SPAG8: variants seen among roughly 807,000 people sequenced by gnomAD.
SPAG8 encodes sperm-associated antigen 8.
A neutral mutation model predicts 45.3 loss-of-function variants in SPAG8; 36 were observed. That is an observed-to-expected ratio of 0.80 (90% CI 0.61 to 1.05). The LOEUF (loss-of-function observed/expected upper bound fraction) is 1.05. Among genes scored for constraint, SPAG8 ranks in the 50% least tolerant of loss-of-function variants. The pLI is 0.00. For synonymous variants in SPAG8, 227 were observed against 232.6 expected, an observed-to-expected ratio of 0.98 and a Z score of 0.22; for missense variants, 573 against 609.2, an observed-to-expected ratio of 0.94 and a Z score of 0.63.
At position 35,811,445 on chromosome 9, in the gene SPAG8, G is replaced by A; in HGVS notation, c.601C>T (p.Pro201Ser). ...AGCTCAGAGTCAGGGCCAGTGTCTG[G>A]ACCAGGCCCAGAGGCAGGACCAGGA... Reference protein sequence around the residue: ...SHPGPASGPGPDTGPDSELSP... With the variant: ...SHPGPASGPGSDTGPDSELSP... Residue 201 changes from proline to serine, a missense_variant, in exon 2 of 7, where the codon CCA becomes TCA. Pro to Ser is a moderately conservative substitution (Grantham distance 74, BLOSUM62 -1). Coordinates refer to ENST00000396638, the MANE Select transcript of SPAG8 (RefSeq NM_001039592.2). 1.9e-6 allele frequency: 3 copies of A among 1,613,920 alleles called. No homozygotes were observed. Among genetic ancestry groups the A allele is most frequent in the Non-Finnish European group, 2.5e-6 (3 of 1,179,880 alleles).
chr9:35,809,365 C>G (rs1676673865), downstream of SPAG8: 1 of 1,614,054 alleles, frequency 6.2e-7, no homozygotes, highest in Non-Finnish European at 8.5e-7. The surrounding 1 kb of genome is among the most constrained non-coding windows in gnomAD (Gnocchi z 4.1). Flanking sequence ...ATCATGTCCA[C>G]TCTCCCACTT....
intron 5 of SPAG8, 44 bp downstream of exon 5, chr9:35,810,395 G>A: frequency 6.3e-7 from 1 of 1,591,344 alleles, no homozygotes; most frequent in South Asian, 1.1e-5. Context: ...GCCTGTCAGA[G>A]CCCAGCTGGT....
downstream of SPAG8, chr9:35,809,651 C>T: frequency 8.9e-7 from 1 of 1,117,648 alleles, no homozygotes; most frequent in Non-Finnish European, 1.4e-6. This position sits in a 1 kb window ranked among gnomAD's most constrained non-coding sequence, Gnocchi z 4.1. Flanking sequence ...CCCCTTCCTC[C>T]CTACTTTCTG....
chr9:35,808,109 C>T (rs1481415070), downstream of SPAG8: 2 of 1,224,742 alleles, frequency 1.6e-6, no homozygotes, highest in African/African-American at 1.5e-5. This position sits in a 1 kb window ranked among gnomAD's most constrained non-coding sequence, Gnocchi z 4.0. Context: ...AATCAAATGC[C>T]TGCTTTCCTC....
Position 35,811,512 on chromosome 9 carries a change from GCCAGGA to G in SPAG8, c.528_533del (p.Pro177_Gly178del). 7.6e-7 allele frequency: 1 copy of G among 1,315,144 alleles called. No homozygotes were observed. The allele number at this position is 1,315,144 out of a possible 1,614,324, so 81.5% of individuals were successfully genotyped here. ...GACCAGGACCAGAGCCAGGACCAGAGCCAGGACCAGGACCAGAGCCAGAGCCAGGGA... is the reference window on the plus strand; with the variant it reads ...GACCAGGACCAGAGCCAGGACCAGAGCCAGGACCAGAGCCAGAGCCAGGGA... On this transcript the variant is annotated inframe_deletion, in exon 2 of 7. Coordinates refer to ENST00000396638, the MANE Select transcript of SPAG8 (RefSeq NM_001039592.2).
chr9:35,809,594 C>A (rs977861184), downstream of SPAG8: 1 of 1,320,090 alleles, frequency 7.6e-7, no homozygotes. The surrounding 1 kb of genome is among the most constrained non-coding windows in gnomAD (Gnocchi z 4.1). Context: ...AGTTGTAGCC[C>A]TCTGCAGCTC....
At chr9:35,809,375 T>A (rs1563994891), downstream of SPAG8, 1 of 1,614,106 alleles carries the variant, frequency 6.2e-7, no homozygotes, top group Admixed American at 1.7e-5. This position sits in a 1 kb window ranked among gnomAD's most constrained non-coding sequence, Gnocchi z 4.1. Flanking sequence ...CTCTCCCACT[T>A]CCAGGGAAAA....
downstream of SPAG8, among the ~76,000 whole-genome samples, chr9:35,807,799 T>A (rs1304983965): frequency 6.6e-6 from 1 of 152,208 alleles, no homozygotes; most frequent in Non-Finnish European, 1.5e-5. Flanking sequence ...AGTTATTGAG[T>A]TGGATTTATT....
In SPAG8 at chr9:35,812,072, C is replaced by T. The variant is rs1828840153; in HGVS notation, c.44+32G>A. The T allele has an allele frequency of 3.1e-6, 5 of 1,612,404 alleles. No homozygotes were observed. In the East Asian group the frequency reaches 8.9e-5, roughly 29 times the overall value. On this transcript the variant is annotated intron_variant, in intron 1 of 6. Transcript: ENST00000396638. ...GAAGTCAGCTGACCTTCCTCGTCCCCTTATGCCTGCAGCCAGAGCTGCGGC... is the reference window on the plus strand; with the variant it reads ...GAAGTCAGCTGACCTTCCTCGTCCCTTTATGCCTGCAGCCAGAGCTGCGGC...
Position 35,810,064 on chromosome 9 carries a change from G to C in SPAG8, c.1332C>G (p.Pro444=), listed in dbSNP as rs186598547. The C allele has an allele frequency of 2.0e-5, 32 of 1,613,650 alleles. No homozygotes were observed. The African/African-American group carries it at 2.9e-4, about 15-fold the overall frequency. ...AGGGCAAAAGTTTCCCCAGAGACAA[G>C]GGTACTGGTGTTGAGAAGCTGCAGT... The part of the protein sequence containing the change: ...RKNCSFSTPV[P]LSLGKLLPYE... Residue 444 remains proline, a synonymous_variant, in exon 7 of 7, where the codon CCC becomes CCG. Coordinates refer to ENST00000396638, the MANE Select transcript of SPAG8 (RefSeq NM_001039592.2).
Position 35,812,140 on chromosome 9 carries a change from G to T in SPAG8, c.8C>A (p.Thr3Asn). METNESTEGSRSR... is the reference protein window; with the variant it reads MENNESTEGSRSR... Reference sequence around the variant, plus strand: ...CCGCGATCCCTCCGTAGACTCGTTGGTCTCCATCTTCAGACTCCAGCTACT... The same window carrying T: ...CCGCGATCCCTCCGTAGACTCGTTGTTCTCCATCTTCAGACTCCAGCTACT... Residue 3 changes from threonine to asparagine, a missense_variant, in exon 1 of 7, where the codon ACC becomes AAC. Thr to Asn is a moderately conservative substitution (Grantham distance 65, BLOSUM62 0). Coordinates refer to ENST00000396638, the MANE Select transcript of SPAG8 (RefSeq NM_001039592.2). The T allele has an allele frequency of 6.2e-7, 1 of 1,606,644 alleles. No individual in the cohort carries two copies. The highest frequency in any genetic ancestry group is 8.5e-7 in the Non-Finnish European group (1 of 1,179,986).
chr9:35,808,991 T>C (rs542379935), downstream of SPAG8: 16 of 928,064 alleles, frequency 1.7e-5, no homozygotes, highest in Non-Finnish European at 2.5e-5. The surrounding 1 kb of genome is among the most constrained non-coding windows in gnomAD (Gnocchi z 4.0). Context: ...TTGGTTCTAA[T>C]AGATATGCAT....
chr9:35,808,265 G>A, downstream of SPAG8: 8 of 1,614,144 alleles, frequency 5.0e-6, no homozygotes, highest in Non-Finnish European at 6.8e-6. This position sits in a 1 kb window ranked among gnomAD's most constrained non-coding sequence, Gnocchi z 4.0. Context: ...CAGACAGGGT[G>A]TTCATTCATT....
In SPAG8 at chr9:35,810,628, A is replaced by G. The variant is rs767147550; in HGVS notation, c.1085+9T>C. On this transcript the variant is annotated intron_variant, in intron 4 of 6. Transcript: ENST00000396638. ...CCCCATCCCTCTTCCCCTTTACCCA[A>G]TCCCTTACCAGATCTGATGCTGCAG... The G allele has an allele frequency of 1.9e-6, 3 of 1,613,360 alleles. No individual in the cohort carries two copies. The African/African-American group carries it at 4.0e-5, about 22-fold the overall frequency.
downstream of SPAG8, chr9:35,809,747 G>A: frequency 1.4e-6 from 2 of 1,428,832 alleles, no homozygotes; most frequent in Non-Finnish European, 1.9e-6. This position sits in a 1 kb window ranked among gnomAD's most constrained non-coding sequence, Gnocchi z 4.1. Flanking sequence ...TGGGATAGGG[G>A]CAATCCCAAG....
downstream of SPAG8, chr9:35,807,929 A>G: frequency 1.9e-6 from 1 of 519,660 alleles, no homozygotes; most frequent in Non-Finnish European, 3.4e-6. Context: ...TGGGAATAAT[A>G]GATTCGTTGT....
downstream of SPAG8, chr9:35,808,136 G>A (rs957666565): frequency 9.6e-6 from 14 of 1,461,878 alleles, no homozygotes; most frequent in African/African-American, 1.9e-4. The surrounding 1 kb of genome is among the most constrained non-coding windows in gnomAD (Gnocchi z 4.0). Context: ...GACAGTTTGG[G>A]CTGTCAGGTC....
downstream of SPAG8, chr9:35,808,899 G>A (rs1334202723): frequency 8.3e-7 from 1 of 1,207,230 alleles, no homozygotes; most frequent in Non-Finnish European, 1.2e-6. The surrounding 1 kb of genome is among the most constrained non-coding windows in gnomAD (Gnocchi z 4.0). Flanking sequence ...AATTTATCTT[G>A]CCCTTTTCTT....
Position 35,811,857 on chromosome 9 carries a change from G to GGCTGCAGTAGCTGCAGCAGCTGATGCA in SPAG8, c.162_188dup (p.Ala55_Ala63dup), listed in dbSNP as rs1554675721. 19 of 1,611,062 alleles carry GGCTGCAGTAGCTGCAGCAGCTGATGCA rather than the reference G, an allele frequency of 1.2e-5. No homozygotes were observed. Among genetic ancestry groups the GGCTGCAGTAGCTGCAGCAGCTGATGCA allele is most frequent in the African/African-American group, 4.0e-5 (3 of 74,882 alleles). On this transcript the variant is annotated inframe_insertion, in exon 2 of 7. Transcript: ENST00000396638. The stretch of plus-strand genomic sequence containing the variant: ...ATGCAGCTGCTTTGGCAGTGGTGAA[G>GGCTGCAGTAGCTGCAGCAGCTGATGCA]GCTGCAGTAGCTGCAGCAGCTGATG...
Sources: allele counts gnomAD v4.1 joint callset (sites outside exome capture counted in the v4.1 genomes callset), GRCh38; gene constraint gnomAD v4.1.1; non-coding constraint Gnocchi (gnomAD v3.1); transcripts MANE v1.5; gene names NCBI Gene and HGNC (gene_info 2026-07-23, HGNC 2026-07-21).